AUTS2: variants seen among roughly 807,000 people sequenced by gnomAD.
The protein encoded by AUTS2 is autism susceptibility gene 2 protein.
A neutral mutation model predicts 112.4 loss-of-function variants in AUTS2; 17 were observed. The ratio of observed to expected loss-of-function variants is 0.15; its 90% CI spans 0.10 to 0.23. The LOEUF is 0.23. Ranked by LOEUF, AUTS2 falls within the 10% of genes least tolerant of loss-of-function variation. AUTS2 has a pLI of 1.00. For missense variants in AUTS2, 1,510 were observed against 1,701.6 expected (o/e 0.89, Z 1.98); for synonymous variants, 751 against 702.7 (o/e 1.07, Z -1.09).
chr7:70,176,313 C>A (rs1484662812), intron 4 of AUTS2, among the ~76,000 whole-genome samples: 1 of 152,132 alleles, frequency 6.6e-6, no homozygotes, highest in African/African-American at 2.4e-5. Context: ...AATATTCAAG[C>A]AATCACTTAA....
intron 4 of AUTS2, among the ~76,000 whole-genome samples, chr7:70,333,769 G>C (rs1441508830): frequency 1.3e-5 from 2 of 152,092 alleles, no homozygotes; most frequent in East Asian, 3.9e-4. Flanking sequence ...AGAACACATG[G>C]ACACAGGGAG....
intron 2 of AUTS2, among the ~76,000 whole-genome samples, chr7:69,933,048 G>C (rs902032829): frequency 1.3e-5 from 2 of 152,192 alleles, no homozygotes; most frequent in South Asian, 4.1e-4. Flanking sequence ...TGATCTGCAC[G>C]TTGGTTACAC....
At chr7:70,195,931 C>T (rs1224194348) in intron 4 of AUTS2, among the ~76,000 whole-genome samples, 1 of 152,054 alleles carries the variant, frequency 6.6e-6, no homozygotes, top group African/African-American at 2.4e-5. Flanking sequence ...AGAGTAATAA[C>T]GAAACACCTA....
At chr7:69,689,221 C>T (rs930043166) in intron 1 of AUTS2, among the ~76,000 whole-genome samples, 2 of 151,916 alleles carry the variant, frequency 1.3e-5, no homozygotes, top group African/African-American at 4.8e-5. Flanking sequence ...TGTCAGGTGT[C>T]TACCTTGACC....
At chr7:69,781,324 C>A (rs991108392) in intron 1 of AUTS2, among the ~76,000 whole-genome samples, 3 of 152,210 alleles carry the variant, frequency 2.0e-5, no homozygotes, top group Admixed American at 2.0e-4. Context: ...ATTGATAATA[C>A]ATTTGCCCAC....
rs781281055 is a variant in AUTS2 at position 70,156,891 on chromosome 7, TAAAAAAAAAAAAAAAAAA to T, written c.660+22339_660+22356del. Among the ~76,000 whole-genome samples the T allele has an allele frequency of 3.5e-3, 133 of 37,892 alleles. 3 individuals carry two copies. The highest frequency in any genetic ancestry group is 5.2e-3 in the Admixed American group (10 of 1,940). 24.9% of individuals were successfully genotyped at this position (37,892 alleles called of 152,430 possible). On this transcript the variant is annotated intron_variant, in intron 4 of 18. Transcript: ENST00000342771. ...AGTGAAACCCCATCTCTACTAAAAG[TAAAAAAAAAAAAAAAAAA>T]AAAAAAAAAAAAAAAAAATTAGCTG... is the stretch of plus-strand genomic sequence containing the variant.
intron 2 of AUTS2, among the ~76,000 whole-genome samples, chr7:70,014,493 C>T (rs978579493): frequency 1.3e-5 from 2 of 152,216 alleles, no homozygotes; most frequent in Non-Finnish European, 2.9e-5. Flanking sequence ...GTTCACTGCT[C>T]AATGAGTATT....
At chr7:69,621,131 A>G (rs1192274831) in intron 1 of AUTS2, among the ~76,000 whole-genome samples, 1 of 152,168 alleles carries the variant, frequency 6.6e-6, no homozygotes, top group Non-Finnish European at 1.5e-5. Flanking sequence ...GCTTAAATCA[A>G]CTCATGTAAT....
intron 4 of AUTS2, among the ~76,000 whole-genome samples, chr7:70,308,797 G>A (rs553354475): frequency 5.9e-5 from 9 of 151,688 alleles, no homozygotes; most frequent in Middle Eastern, 3.4e-3. Flanking sequence ...ATTTTTTTTT[G>A]TATAGCCAAA....
chr7:70,618,919 G>C (rs1417655249), intron 5 of AUTS2, among the ~76,000 whole-genome samples: 1 of 152,238 alleles, frequency 6.6e-6, no homozygotes, highest in Non-Finnish European at 1.5e-5. Context: ...TCCACTGGGA[G>C]AGGGAAAAGC....
intron 4 of AUTS2, among the ~76,000 whole-genome samples, chr7:70,377,578 G>A (rs976769259): frequency 4.7e-5 from 7 of 150,386 alleles, no homozygotes; most frequent in Admixed American, 4.6e-4. Flanking sequence ...GTTCATCTCC[G>A]GAACATTTTT....
At chr7:70,303,434 G>GCGCGCGCGCACACACACA (rs1241517255) in intron 4 of AUTS2, among the ~76,000 whole-genome samples, 1 of 141,948 alleles carries the variant, frequency 7.0e-6, no homozygotes, top group African/African-American at 2.6e-5. Flanking sequence ...GCGCGCGCGC[G>GCGCGCGCGCACACACACA]CACATACACA....
At chr7:70,536,850 A>G (rs917970813) in intron 5 of AUTS2, among the ~76,000 whole-genome samples, 6 of 152,142 alleles carry the variant, frequency 3.9e-5, no homozygotes, top group African/African-American at 1.2e-4. Context: ...CGGTGAGCTG[A>G]GATTGTGCCA....
intron 5 of AUTS2, among the ~76,000 whole-genome samples, chr7:70,600,605 C>T (rs924400630): frequency 1.3e-5 from 2 of 152,122 alleles, no homozygotes; most frequent in East Asian, 3.9e-4. Context: ...ATATTTATAA[C>T]CTGTTTAGTA....
chr7:69,606,413 G>A (rs1792718463), intron 1 of AUTS2, among the ~76,000 whole-genome samples: 1 of 152,188 alleles, frequency 6.6e-6, no homozygotes. Flanking sequence ...GGCATTTCGG[G>A]TGTTTGTGTA....
At chr7:69,927,066 A>G (rs1796045975) in intron 2 of AUTS2, among the ~76,000 whole-genome samples, 1 of 147,820 alleles carries the variant, frequency 6.8e-6, no homozygotes, top group Non-Finnish European at 1.5e-5. Flanking sequence ...TATGTTAAAT[A>G]CTTTATTCGT....
chr7:70,292,723 G>A (rs1269014095), intron 4 of AUTS2: 1 of 152,094 alleles, frequency 6.6e-6, no homozygotes, highest in African/African-American at 2.4e-5. Flanking sequence ...AGTTAGAGAA[G>A]GAAAATTTTA....
chr7:70,482,997 A>G (rs1013691267), intron 5 of AUTS2, among the ~76,000 whole-genome samples: 18 of 152,040 alleles, frequency 1.2e-4, no homozygotes, highest in African/African-American at 3.9e-4. Flanking sequence ...TATTTTTTCT[A>G]TTGAGTTTTT....
chr7:70,309,029 G>A (rs1380334950), intron 4 of AUTS2, among the ~76,000 whole-genome samples: 2 of 152,160 alleles, frequency 1.3e-5, no homozygotes, highest in Non-Finnish European at 2.9e-5. Context: ...CACTGGAAAG[G>A]CAAGTGGTTG....
Sources: allele counts gnomAD v4.1 joint callset (sites outside exome capture counted in the v4.1 genomes callset), GRCh38; gene constraint gnomAD v4.1.1; transcripts MANE v1.5; gene names NCBI Gene and HGNC (gene_info 2026-07-23, HGNC 2026-07-21).